The following POLR1A variants were observed in gnomAD, a reference collection of about 807,000 sequenced individuals.
POLR1A encodes the protein RNA polymerase I subunit A, also known as DNA-directed RNA polymerase I subunit RPA1.
Under a neutral mutation model 205.3 loss-of-function variants are expected in POLR1A, and 84 were observed. The observed-to-expected ratio is 0.41, with a 90% CI of 0.34 to 0.49. The LOEUF (loss-of-function observed/expected upper bound fraction) is 0.49, where lower values mean the gene tolerates loss of function less well. Ranked by LOEUF, POLR1A falls within the 20% of genes least tolerant of loss-of-function variation. The pLI is 0.22. For synonymous variants in POLR1A, 799 were observed against 863.7 expected, an observed-to-expected ratio of 0.93 and a Z score of 1.31; for missense variants, 1,645 against 2,204.5, an observed-to-expected ratio of 0.75 and a Z score of 5.08.
At chr2:86,029,746 G>A (rs565820046) in intron 31 of POLR1A, among the ~76,000 whole-genome samples, 2 of 151,600 alleles carry the variant, frequency 1.3e-5, no homozygotes, top group South Asian at 2.1e-4. Flanking sequence ...ACAGGCACCC[G>A]TCACCATGCC....
At chr2:86,078,080 G>A (rs770501912) in intron 10 of POLR1A, 34 bp downstream of exon 10, 340 of 1,612,510 alleles carry the variant, frequency 2.1e-4, no homozygotes, top group Non-Finnish European at 2.8e-4. Context: ...TTTATCTTCT[G>A]TAGCTAGCAA....
At chr2:86,029,821 T>C (rs1426226226) in intron 31 of POLR1A, among the ~76,000 whole-genome samples, 1 of 151,938 alleles carries the variant, frequency 6.6e-6, no homozygotes, top group East Asian at 1.9e-4. Flanking sequence ...AGGATGGTCT[T>C]GATCTCCTGA....
Position 86,054,149 on chromosome 2 carries a change from G to A in POLR1A, c.2199C>T (p.Cys733=), listed in dbSNP as rs761733345. Residue 733 remains cysteine, a synonymous_variant, in exon 15 of 34, where the codon TGC becomes TGT. Transcript: ENST00000263857. ...SVPGFNPDSM[C]ESQVIIREGE... is the part of the protein sequence containing the mutation. ...AGCTGGACAGCCATACCTGGGACTC[G>A]CACATCGAGTCAGGGTTAAAGCCAG... 7.4e-6 allele frequency: 12 copies of A among 1,613,844 alleles called. No individual in the cohort carries two copies. Among genetic ancestry groups the A allele is most frequent in the Admixed American group, 3.3e-5 (2 of 60,016 alleles).
intron 3 of POLR1A, among the ~76,000 whole-genome samples, chr2:86,095,673 TCC>T (rs1450567289): frequency 1.3e-5 from 2 of 151,478 alleles, no homozygotes; most frequent in Non-Finnish European, 2.9e-5. Flanking sequence ...AGAAAAGGCA[TCC>T]AAACTGAAAA....
At position 86,077,951 on chromosome 2, in the gene POLR1A, T is replaced by G; in HGVS notation, c.1288A>C (p.Lys430Gln). ...ILEKKEGLFR[K>Q]HMMGKRVDYA... ...TCCACTCGCTTTCCCATCATGTGTTTTCGGAACAGGCCTTCTTTCTTCTCC... is the reference window on the plus strand; with the variant it reads ...TCCACTCGCTTTCCCATCATGTGTTGTCGGAACAGGCCTTCTTTCTTCTCC... Residue 430 changes from lysine (K) to glutamine (Q), a missense_variant, in exon 11 of 34, where the codon AAA becomes CAA. By Grantham distance (53) the Lys-to-Gln change is moderately conservative (BLOSUM62 1). Around this residue, in one of 16 missense-constraint regions of POLR1A, gnomAD observed 131 missense variants for 214.5 expected, o/e 0.61. Coordinates refer to ENST00000263857, the MANE Select transcript of POLR1A (RefSeq NM_015425.6). 1 of 1,614,184 alleles carries G rather than the reference T, an allele frequency of 6.2e-7. No homozygotes were observed. The highest frequency in any genetic ancestry group is 8.5e-7 in the Non-Finnish European group (1 of 1,180,032).
At chr2:86,048,187 T>G (rs554028453) in intron 18 of POLR1A, among the ~76,000 whole-genome samples, 5 of 152,336 alleles carry the variant, frequency 3.3e-5, no homozygotes, top group Admixed American at 6.5e-5. Context: ...CTCCTCAGGC[T>G]GGGCCCCAGG....
intron 3 of POLR1A, among the ~76,000 whole-genome samples, chr2:86,091,639 C>T (rs1272937473): frequency 6.6e-6 from 1 of 152,112 alleles, no homozygotes; most frequent in Non-Finnish European, 1.5e-5. Context: ...TAGTAGGCAC[C>T]ATGAATAATT....
At chr2:86,087,709 A>G (rs1052293252) in intron 6 of POLR1A, among the ~76,000 whole-genome samples, 7 of 150,714 alleles carry the variant, frequency 4.6e-5, no homozygotes, top group Non-Finnish European at 1.0e-4. Flanking sequence ...CGCCTGGCTA[A>G]TTTTTGTGTT....
chr2:86,052,492 G>A (rs1052192262), intron 16 of POLR1A, among the ~76,000 whole-genome samples: 13 of 152,230 alleles, frequency 8.5e-5, no homozygotes, highest in East Asian at 1.9e-4. Context: ...AAGTGAGGGC[G>A]CCTTTGTAGG....
chr2:86,043,064 G>T lies in POLR1A; in HGVS notation c.3267C>A (p.Phe1089Leu). 6.2e-7 allele frequency: 1 copy of T among 1,614,210 alleles called. No individual in the cohort carries two copies. The highest frequency in any genetic ancestry group is 8.5e-7 in the Non-Finnish European group (1 of 1,180,030). The change falls in exon 23 of 34, where the codon TTC becomes TTA. Residue 1089 changes from phenylalanine to leucine, a missense_variant. Physicochemically the swap from Phe to Leu is conservative, Grantham distance 22. Around this residue, in one of 16 missense-constraint regions of POLR1A, gnomAD observed 201 missense variants for 222.3 expected, o/e 0.90. Transcript: ENST00000263857. ...CCTGAATTTTCTGGGAATAACTCAA[G>T]AAGGCGCCTCTTCTCAGCAGGGTGT... ...HPNTLLRRGAFLSYSQKIQEA... is the reference protein window; with the variant it reads ...HPNTLLRRGALLSYSQKIQEA...
Position 86,083,202 on chromosome 2 carries a change from A to G in POLR1A, c.731-34T>C, listed in dbSNP as rs767509313. The G allele has an allele frequency of 2.8e-6, 4 of 1,428,168 alleles. No homozygotes were observed. In the South Asian group the frequency reaches 4.6e-5, roughly 16 times the overall value. The allele number at this position is 1,428,168 out of a possible 1,614,324, so 88.5% of individuals were successfully genotyped here. A position where few individuals can be genotyped will look rare whatever the true frequency, so the allele number is the denominator to read the frequency against. ...AAGGAGGAGAATCAAAGTGCAATAA[A>G]TCAGAAACAGGTACTCTTTCTGCAA... On this transcript the variant is annotated intron_variant, in intron 6 of 33. Transcript: ENST00000263857.
intron 14 of POLR1A, among the ~76,000 whole-genome samples, chr2:86,057,940 T>C (rs968804361): frequency 1.1e-4 from 16 of 148,866 alleles, no homozygotes; most frequent in Non-Finnish European, 1.9e-4. Context: ...AATGGTCCTT[T>C]AAAAAAAAAA....
chr2:86,053,960 T>C (rs1359529153), intron 15 of POLR1A, among the ~76,000 whole-genome samples, 180 bp downstream of exon 15: 1 of 152,242 alleles, frequency 6.6e-6, no homozygotes, highest in Non-Finnish European at 1.5e-5. Flanking sequence ...GGTCAAATGC[T>C]GGAGATCAAC....
rs111808290 is a variant in POLR1A at position 86,081,101 on chromosome 2, T to C, written c.924-123A>G. On this transcript the variant is annotated intron_variant, in intron 8 of 33. Coordinates refer to ENST00000263857, the MANE Select transcript of POLR1A (RefSeq NM_015425.6). ...CCATGCTCAAAACAACCAACCTTCCTAACCAACATTCCGGCTGGGTGTGGT... is the reference window on the plus strand; with the variant it reads ...CCATGCTCAAAACAACCAACCTTCCCAACCAACATTCCGGCTGGGTGTGGT... The C allele has an allele frequency of 1.1e-4, 91 of 858,968 alleles. No individual in the cohort carries two copies. The African/African-American group carries it at 1.3e-3, about 12-fold the overall frequency. The allele number at this position is 858,968 out of a possible 1,614,324, so 53.2% of individuals were successfully genotyped here. A position where few individuals can be genotyped will look rare whatever the true frequency, so the allele number is the denominator to read the frequency against.
chr2:86,043,124 G>C lies in POLR1A; in HGVS notation c.3207C>G (p.Phe1069Leu). 6.2e-7 allele frequency: 1 copy of C among 1,614,100 alleles called. No homozygotes were observed. The highest frequency in any genetic ancestry group is 8.5e-7 in the Non-Finnish European group (1 of 1,179,966). The change falls in exon 23 of 34, where the codon TTC becomes TTG. Residue 1069 changes from phenylalanine to leucine, a missense_variant. By Grantham distance (22) the Phe-to-Leu change is conservative (BLOSUM62 0). Around this residue, in one of 16 missense-constraint regions of POLR1A, gnomAD observed 201 missense variants for 222.3 expected, o/e 0.90. Coordinates refer to ENST00000263857, the MANE Select transcript of POLR1A (RefSeq NM_015425.6). ...TGCTTTGCCATTTTTTGATAGCTCTGAAGTGGTGGAGAGCTTTTTTGGGAT... is the reference window on the plus strand; with the variant it reads ...TGCTTTGCCATTTTTTGATAGCTCTCAAGTGGTGGAGAGCTTTTTTGGGAT... ...RADPKKALHH[F>L]RAIKKWQSKH...
intron 2 of POLR1A, 88 bp downstream of exon 2, chr2:86,099,879 AC>A: frequency 9.2e-7 from 1 of 1,086,190 alleles, no homozygotes. Context: ...CTGGGGCTTA[AC>A]CTCCTTAGAC....
chr2:86,105,174 G>A (rs1308108111), intron 1 of POLR1A, among the ~76,000 whole-genome samples: 1 of 152,212 alleles, frequency 6.6e-6, no homozygotes, highest in East Asian at 1.9e-4. Context: ...GGTTCTGGAA[G>A]AAAGGAAAGT....
intron 12 of POLR1A, among the ~76,000 whole-genome samples, chr2:86,071,174 T>C (rs1168571225): frequency 1.6e-5 from 1 of 60,684 alleles, no homozygotes; most frequent in Non-Finnish European, 7.8e-5. Flanking sequence ...TGTGACATGA[T>C]GAAAAAAAAA....
chr2:86,096,970 G>C (rs901471729), intron 3 of POLR1A, among the ~76,000 whole-genome samples: 1 of 151,922 alleles, frequency 6.6e-6, no homozygotes, highest in African/African-American at 2.4e-5. Flanking sequence ...ATTCATCTTA[G>C]GGACAGAGGC....
Sources: allele counts gnomAD v4.1 joint callset (sites outside exome capture counted in the v4.1 genomes callset), GRCh38; gene constraint gnomAD v4.1.1; regional missense constraint gnomAD v4.1.1; transcripts MANE v1.5; gene names NCBI Gene and HGNC (gene_info 2026-07-23, HGNC 2026-07-21).